Variants in COL4A2 observed in about 807,000 individuals in gnomAD.
COL4A2 encodes collagen alpha-2(IV) chain.
COL4A2 carries 99 observed loss-of-function variants against 200.2 expected under a neutral mutation model. The ratio of observed to expected loss-of-function variants is 0.49; its 90% CI spans 0.42 to 0.58. The LOEUF (loss-of-function observed/expected upper bound fraction) is 0.58, where lower values mean the gene tolerates loss of function less well. Among genes scored for constraint, COL4A2 ranks in the 20% least tolerant of loss-of-function variants. The pLI is 0.00. For synonymous variants in COL4A2, 897 were observed against 900.6 expected (o/e 1.00, Z 0.07); for missense variants, 1,950 against 2,314.1 (o/e 0.84, Z 3.23).
At chr13:110,452,219 C>A (rs1396218262) in intron 20 of COL4A2, among the ~76,000 whole-genome samples, 1 of 152,208 alleles carries the variant, frequency 6.6e-6, no homozygotes, top group South Asian at 2.1e-4. Context: ...CTGCACGCTC[C>A]GCCTCCCGGG....
At position 110,397,607 on chromosome 13, in the gene COL4A2, GA is replaced by G. The variant is rs1879225316; in HGVS notation, c.181-27125del. On this transcript the variant is annotated intron_variant, in intron 4 of 47. Transcript: ENST00000360467. ...ACTGGAGGCCAGAAGTACTGGCTCT[GA>G]ACTGAACTACCACTTGCAAATCGAT... Among the ~76,000 whole-genome samples, 4 of 152,320 alleles carry G rather than the reference GA, an allele frequency of 2.6e-5. No homozygotes were observed. The South Asian group carries it at 8.3e-4, about 32-fold the overall frequency.
At chr13:110,452,384 G>T (rs12867736) in intron 20 of COL4A2, among the ~76,000 whole-genome samples, 2 of 152,140 alleles carry the variant, frequency 1.3e-5, no homozygotes, top group Admixed American at 1.3e-4. Flanking sequence ...GGATGGTCTC[G>T]ATCTCCTGAC....
intron 22 of COL4A2, among the ~76,000 whole-genome samples, chr13:110,461,226 A>C (rs1350552288): frequency 6.6e-6 from 1 of 152,224 alleles, no homozygotes; most frequent in Non-Finnish European, 1.5e-5. Flanking sequence ...TATTGTTCTC[A>C]ATATTATCAC....
Position 110,357,508 on chromosome 13 carries a change from G to T in COL4A2, c.136G>T (p.Asp46Tyr). 1 of 1,594,850 alleles carries T rather than the reference G, an allele frequency of 6.3e-7. No homozygotes were observed. Among genetic ancestry groups the T allele is most frequent in the East Asian group, 2.3e-5 (1 of 44,220 alleles). The change falls in exon 4 of 48, where the codon GAT (aspartate) becomes TAT (tyrosine). Residue 46 changes from aspartate (D) to tyrosine (Y), a missense_variant. By Grantham distance (160) the Asp-to-Tyr change is radical. Coordinates refer to ENST00000360467, the MANE Select transcript of COL4A2 (RefSeq NM_001846.4). ...KKFDVPCGGR[D>Y]CSGGCQCYPE... ...GTTTGATGTGCCGTGTGGAGGAAGA[G>T]ATTGCAGTGGGGGCTGCCAGTGCTA...
chr13:110,430,553 C>G lies in COL4A2; in HGVS notation c.594C>G (p.Pro198=). The G allele has an allele frequency of 6.2e-7, 1 of 1,614,182 alleles. No individual in the cohort carries two copies. Among genetic ancestry groups the G allele is most frequent in the Non-Finnish European group, 8.5e-7 (1 of 1,180,038 alleles). Residue 198 remains proline, a synonymous_variant, in exon 10 of 48, where the codon CCC becomes CCG. Transcript: ENST00000360467. ...CCGCTGCCTATCCATAGGGACCTCC[C>G]GGCCGCCCTGGGCATGTGGGACAGA... ...EPGLVGFQGP[P]GRPGHVGQMG...
intron 7 of COL4A2, among the ~76,000 whole-genome samples, chr13:110,428,867 G>A (rs979313539): frequency 7.2e-5 from 11 of 152,124 alleles, no homozygotes; most frequent in Admixed American, 5.2e-4. Context: ...AATCGTAAAC[G>A]CAAATTAAAA....
Position 110,436,256 on chromosome 13 carries a change from TAAC to T in COL4A2, c.727-10_727-8del, listed in dbSNP as rs775584243. The T allele has an allele frequency of 1.2e-6, 2 of 1,613,748 alleles. No individual in the cohort carries two copies. Among genetic ancestry groups the T allele is most frequent in the Non-Finnish European group, 1.7e-6 (2 of 1,179,842 alleles). The stretch of plus-strand genomic sequence containing the variant: ...CGATTTAAAGACAACTGCTTTTGCT[TAAC>T]AATATGCAGGGTGACGTAGGGCAGC... On this transcript the variant is annotated splice_polypyrimidine_tract_variant and intron_variant, in intron 12 of 47. Coordinates refer to ENST00000360467, the MANE Select transcript of COL4A2 (RefSeq NM_001846.4).
At chr13:110,333,640 C>T (rs539291761) in intron 3 of COL4A2, among the ~76,000 whole-genome samples, 1 of 152,274 alleles carries the variant, frequency 6.6e-6, no homozygotes, top group South Asian at 2.1e-4. Flanking sequence ...GGAAGAGGAC[C>T]GCTCACGAAC....
intron 19 of COL4A2, 40 bp from the exon 20 acceptor site, chr13:110,450,265 T>C (rs1316402882): frequency 6.3e-7 from 1 of 1,589,040 alleles, no homozygotes; most frequent in East Asian, 2.2e-5. Flanking sequence ...CGGTGTGGTA[T>C]GGGAGACTCA....
chr13:110,390,288 T>C (rs1322759011), intron 4 of COL4A2, among the ~76,000 whole-genome samples: 1 of 152,214 alleles, frequency 6.6e-6, no homozygotes, highest in Non-Finnish European at 1.5e-5. Flanking sequence ...GGACCAGGGC[T>C]CTTGAGCTCG....
intron 18 of COL4A2, 112 bp from the exon 19 acceptor site, chr13:110,449,567 G>T: frequency 2.0e-6 from 2 of 987,408 alleles, no homozygotes; most frequent in East Asian, 2.7e-5. Flanking sequence ...TCATCAGGCC[G>T]CATACAGCAT....
intron 24 of COL4A2, among the ~76,000 whole-genome samples, chr13:110,463,965 T>A (rs754966089): frequency 1.3e-5 from 2 of 152,202 alleles, no homozygotes; most frequent in Non-Finnish European, 2.9e-5. Flanking sequence ...ATTGGTCACT[T>A]TAGCCAGAAG....
At chr13:110,490,374 G>A (rs1312769123) in intron 36 of COL4A2, among the ~76,000 whole-genome samples, 2 of 152,224 alleles carry the variant, frequency 1.3e-5, no homozygotes, top group Non-Finnish European at 2.9e-5. Flanking sequence ...CTTTTGGGGG[G>A]ACCCCACACT....
intron 17 of COL4A2, among the ~76,000 whole-genome samples, chr13:110,446,430 CG>C (rs1191723714): frequency 1.3e-5 from 2 of 152,162 alleles, no homozygotes; most frequent in African/African-American, 2.4e-5. Flanking sequence ...TGGCGCTCCA[CG>C]GGGGTCCTGC....
intron 27 of COL4A2, among the ~76,000 whole-genome samples, chr13:110,467,581 C>G (rs1776295489): frequency 6.6e-6 from 1 of 152,262 alleles, no homozygotes; most frequent in African/African-American, 2.4e-5. Context: ...CCCAGGCCAT[C>G]TCTCAGCCCA....
chr13:110,493,357 C>A, intron 39 of COL4A2, 75 bp downstream of exon 39: 1 of 1,495,268 alleles, frequency 6.7e-7, no homozygotes, highest in East Asian at 2.3e-5. Flanking sequence ...AGTCTGCCCT[C>A]CAGACTTCAG....
chr13:110,328,952 C>T (rs182380189), intron 3 of COL4A2, among the ~76,000 whole-genome samples: 2 of 152,300 alleles, frequency 1.3e-5, no homozygotes, highest in Admixed American at 6.5e-5. Context: ...ATGAACAGAA[C>T]CTTCTAGTAG....
intron 4 of COL4A2, among the ~76,000 whole-genome samples, chr13:110,377,467 C>G (rs991748736): frequency 3.9e-5 from 6 of 152,212 alleles, no homozygotes; most frequent in African/African-American, 1.4e-4. Flanking sequence ...CCATCTCCAT[C>G]CCAGGACCCC....
chr13:110,489,299 A>G, intron 34 of COL4A2, 146 bp from the exon 35 acceptor site: 1 of 763,854 alleles, frequency 1.3e-6, no homozygotes, highest in Non-Finnish European at 2.2e-6. Context: ...ATACACACTA[A>G]AAAACACGAG....
Sources: allele counts gnomAD v4.1 joint callset (sites outside exome capture counted in the v4.1 genomes callset), GRCh38; gene constraint gnomAD v4.1.1; transcripts MANE v1.5; gene names NCBI Gene and HGNC (gene_info 2026-07-23, HGNC 2026-07-21).